The following ATOSA variants were observed in gnomAD, a reference collection of about 807,000 sequenced individuals.
ATOSA encodes the protein atos homolog protein A.
chr15:52,677,929 T>C, the ATOSA span: 5 of 1,559,010 alleles, frequency 3.2e-6, no homozygotes, highest in South Asian at 4.4e-5. Context: ...TACTGCAGAA[T>C]TAGGTTAACA....
the ATOSA span, among the ~76,000 whole-genome samples, chr15:52,704,004 T>C: frequency 2.0e-5 from 3 of 152,082 alleles, no homozygotes; most frequent in Non-Finnish European, 4.4e-5. Context: ...AGAATATCTA[T>C]AGTATATACT....
At chr15:52,598,068 G>A in the ATOSA span, among the ~76,000 whole-genome samples, 1 of 152,104 alleles carries the variant, frequency 6.6e-6, no homozygotes. Context: ...AGGTTGCAGT[G>A]AGCCAAGGTT....
chr15:52,625,419 CA>C, the ATOSA span, among the ~76,000 whole-genome samples: 158 of 152,226 alleles, frequency 1.0e-3, no homozygotes, highest in African/African-American at 3.6e-3. Flanking sequence ...ATCTACAGAA[CA>C]GTATTTTCTA....
chr15:52,683,177 G>GT, the ATOSA span, among the ~76,000 whole-genome samples: 1 of 152,016 alleles, frequency 6.6e-6, no homozygotes, highest in Admixed American at 6.6e-5. Flanking sequence ...AATAATGGCC[G>GT]TTTTTTGTGA....
At chr15:52,666,799 T>C in the ATOSA span, among the ~76,000 whole-genome samples, 3 of 152,128 alleles carry the variant, frequency 2.0e-5, no homozygotes, top group Admixed American at 2.0e-4. Context: ...CTTATATTCC[T>C]GTTGGGGAGA....
the ATOSA span, among the ~76,000 whole-genome samples, chr15:52,650,543 CA>C: frequency 6.6e-6 from 1 of 152,042 alleles, no homozygotes; most frequent in Non-Finnish European, 1.5e-5. Context: ...CAGCAAAGGG[CA>C]CAAAAGCATG....
chr15:52,643,947 G>C, the ATOSA span, among the ~76,000 whole-genome samples: 2 of 151,808 alleles, frequency 1.3e-5, no homozygotes, highest in African/African-American at 4.8e-5. Context: ...AAAAAACCCT[G>C]TATTTTAAAG....
chr15:52,608,920 T>C, the ATOSA span: 5 of 1,606,652 alleles, frequency 3.1e-6, no homozygotes, highest in Non-Finnish European at 4.2e-6. Flanking sequence ...TTTTGGATTA[T>C]AGTTCTCATT....
chr15:52,679,244 C>T, the ATOSA span: 31,869 of 153,950 alleles, frequency 0.21, 3,490 homozygotes, highest in East Asian at 0.34. Context: ...CCCCGGGCTT[C>T]CCCCGCCCGT....
the ATOSA span, among the ~76,000 whole-genome samples, chr15:52,692,145 C>T: frequency 2.6e-5 from 4 of 152,090 alleles, no homozygotes; most frequent in East Asian, 1.9e-4. Flanking sequence ...CAAATATTAG[C>T]GCAGAATCCA....
chr15:52,683,591 C>T, the ATOSA span, among the ~76,000 whole-genome samples: 12 of 152,296 alleles, frequency 7.9e-5, no homozygotes, highest in African/African-American at 2.9e-4. Flanking sequence ...GCACTTAAGT[C>T]ATAAGCACTA....
chr15:52,621,542 G>A, the ATOSA span, among the ~76,000 whole-genome samples: 4 of 152,196 alleles, frequency 2.6e-5, no homozygotes, highest in East Asian at 1.9e-4. Context: ...TAATCCCCAC[G>A]TGTCATGGGA....
At chr15:52,617,589 T>C in the ATOSA span, among the ~76,000 whole-genome samples, 4 of 151,956 alleles carry the variant, frequency 2.6e-5, no homozygotes, top group African/African-American at 9.7e-5. Context: ...ATTCAGAGAG[T>C]AAGACAAAAA....
chr15:52,583,637 C>T, the ATOSA span, among the ~76,000 whole-genome samples: 1 of 152,150 alleles, frequency 6.6e-6, no homozygotes, highest in Admixed American at 6.5e-5. Context: ...CCACCCACCT[C>T]GGCCTCCCAG....
chr15:52,618,217 T>C, the ATOSA span, among the ~76,000 whole-genome samples: 2 of 152,122 alleles, frequency 1.3e-5, no homozygotes, highest in Admixed American at 1.3e-4. Context: ...TTTTTTGTAT[T>C]TTTAGTAGAG....
the ATOSA span, among the ~76,000 whole-genome samples, chr15:52,624,729 T>C: frequency 2.6e-5 from 4 of 152,186 alleles, no homozygotes; most frequent in Admixed American, 6.5e-5. Flanking sequence ...TGAAATATTT[T>C]TGGCTTCTCA....
At chr15:52,601,471 C>T in the ATOSA span, among the ~76,000 whole-genome samples, 1 of 147,386 alleles carries the variant, frequency 6.8e-6, no homozygotes, top group African/African-American at 2.5e-5. Flanking sequence ...GAACATTTTG[C>T]TTTTTTGTAT....
At chr15:52,701,917 T>G in the ATOSA span, among the ~76,000 whole-genome samples, 9 of 151,920 alleles carry the variant, frequency 5.9e-5, no homozygotes, top group African/African-American at 2.2e-4. Context: ...CTGGGCAACA[T>G]AGCAAGACCC....
the ATOSA span, among the ~76,000 whole-genome samples, chr15:52,671,024 G>A: frequency 1.3e-5 from 2 of 152,100 alleles, no homozygotes; most frequent in East Asian, 3.9e-4. Context: ...TGAACATACA[G>A]ACATTCTCCC....
Sources: gnomAD v4.1 joint callset for allele counts (sites outside exome capture counted in the v4.1 genomes callset) on GRCh38, gnomAD v4.1.1 for gene constraint, MANE v1.5 for transcripts, NCBI Gene and HGNC (gene_info 2026-07-23, HGNC 2026-07-21) for gene names.